EPB41L1: variants seen among roughly 807,000 people sequenced by gnomAD.
EPB41L1 encodes the protein erythrocyte membrane protein band 4.1 like 1.
EPB41L1 carries 29 observed loss-of-function variants against 97.8 expected under a neutral mutation model. That is an observed-to-expected ratio of 0.30 (90% CI 0.22 to 0.40). The LOEUF is 0.40. EPB41L1 is among the 10% of genes least tolerant of loss of function. The pLI is 1.00. For synonymous variants in EPB41L1, 383 were observed against 459.2 expected (o/e 0.83, Z 2.12); for missense variants, 812 against 1,162.3 (o/e 0.70, Z 4.38).
At chr20:36,144,353 A>G (rs192501629) in intron 2 of EPB41L1, among the ~76,000 whole-genome samples, 24 of 152,242 alleles carry the variant, frequency 1.6e-4, no homozygotes, top group African/African-American at 5.3e-4. Flanking sequence ...AGCTACCTAC[A>G]GTAGGCAGGA....
intron 2 of EPB41L1, among the ~76,000 whole-genome samples, chr20:36,137,703 T>A (rs973194342): frequency 6.6e-6 from 1 of 151,992 alleles, no homozygotes; most frequent in African/African-American, 2.4e-5. Context: ...TTTGTATTTT[T>A]AGTAAAGATG....
chr20:36,116,715 C>A (rs780449161), intron 2 of EPB41L1, among the ~76,000 whole-genome samples: 3 of 152,182 alleles, frequency 2.0e-5, no homozygotes, highest in Non-Finnish European at 4.4e-5. Flanking sequence ...ATGCCTCTCA[C>A]CCATGGAGGG....
intron 2 of EPB41L1, among the ~76,000 whole-genome samples, chr20:36,140,043 T>TTG (rs1569110731): frequency 1.3e-5 from 2 of 149,152 alleles, no homozygotes; most frequent in Non-Finnish European, 3.0e-5. Flanking sequence ...GTGGTTTTTT[T>TTG]TTGTTGTTGT....
At chr20:36,228,471 C>CAGA (rs2064312176) in intron 21 of EPB41L1, among the ~76,000 whole-genome samples, 2 of 152,154 alleles carry the variant, frequency 1.3e-5, no homozygotes, top group South Asian at 4.1e-4. Context: ...GAGGCTGAGG[C>CAGA]AGAAGGATCA....
chr20:36,193,785 A>G (rs1301101925), intron 11 of EPB41L1, among the ~76,000 whole-genome samples: 3 of 152,230 alleles, frequency 2.0e-5, no homozygotes, highest in Admixed American at 1.3e-4. Flanking sequence ...AAACAGCAAC[A>G]TTTATGGGCT....
intron 2 of EPB41L1, among the ~76,000 whole-genome samples, chr20:36,134,691 T>G (rs934119431): frequency 2.6e-5 from 4 of 152,138 alleles, no homozygotes; most frequent in Non-Finnish European, 4.4e-5. Flanking sequence ...CTGCCCAGCC[T>G]GGGCTATTAG....
At chr20:36,137,519 C>G (rs916957199) in intron 2 of EPB41L1, among the ~76,000 whole-genome samples, 5 of 151,972 alleles carry the variant, frequency 3.3e-5, no homozygotes, top group Non-Finnish European at 7.4e-5. Flanking sequence ...CCGCACCCAG[C>G]CTGAATACTT....
intron 2 of EPB41L1, 143 bp from the exon 3 acceptor site, chr20:36,175,408 G>T: frequency 1.1e-6 from 1 of 916,184 alleles, no homozygotes. Context: ...ATGGACCCTA[G>T]TTGCCCTGTG....
chr20:36,111,899 G>C lies in EPB41L1; in HGVS notation c.-64-527G>C, dbSNP rs182092723. ...CAAGGAAAGGCCAAGTGGACAGCAG[G>C]GGGTATAACCATGGCACCTGAGGAG... On this transcript the variant is annotated intron_variant, in intron 1 of 19. Coordinates refer to the EPB41L1 transcript ENST00000202028. Among the ~76,000 whole-genome samples, 249 of 152,276 alleles carry C rather than the reference G, an allele frequency of 1.6e-3. 2 individuals are homozygous for C. Among genetic ancestry groups the C allele is most frequent in the African/African-American group, 5.5e-3 (229 of 41,546 alleles).
rs756577865 is a variant in EPB41L1, at chr20:36,219,766, C to T, written c.2361C>T (p.Ile787=). Residue 787 remains isoleucine, a synonymous_variant, in exon 19 of 22, where the codon ATC becomes ATT. Coordinates refer to ENST00000338074, the MANE Select transcript of EPB41L1 (RefSeq NM_012156.2). ...GGGGTGGTTATATTCTGCAGATCAT[C>T]GGGAAAGATGTCCTCACCAGCACCT... ...ATEIRSLSPI[I]GKDVLTSTYG... 3.1e-5 allele frequency: 50 copies of T among 1,613,872 alleles called. No individual in the cohort carries two copies. Among genetic ancestry groups the T allele is most frequent in the Admixed American group, 1.2e-4 (7 of 59,996 alleles).
intron 1 of EPB41L1, among the ~76,000 whole-genome samples, chr20:36,094,287 C>T (rs1040605067): frequency 6.6e-6 from 1 of 152,172 alleles, no homozygotes; most frequent in African/African-American, 2.4e-5. Context: ...TGGCATTTTG[C>T]TGCCAAATGG....
At chr20:36,213,603 G>A (rs779284281) in intron 16 of EPB41L1, among the ~76,000 whole-genome samples, 13 of 152,040 alleles carry the variant, frequency 8.6e-5, no homozygotes, top group Non-Finnish European at 1.5e-4. Context: ...TTAGTAACAC[G>A]TGTTTCTGTT....
chr20:36,099,033 G>T (rs1317422418), intron 1 of EPB41L1, among the ~76,000 whole-genome samples: 1 of 152,202 alleles, frequency 6.6e-6, no homozygotes, highest in Non-Finnish European at 1.5e-5. Context: ...GCCAGGCGTG[G>T]TGGCGGGCAC....
At chr20:36,154,467 C>T (rs1464055003), upstream of EPB41L1, among the ~76,000 whole-genome samples, 7 of 150,574 alleles carry the variant, frequency 4.6e-5, no homozygotes, top group African/African-American at 1.5e-4. The surrounding 1 kb of genome is among the most constrained non-coding windows in gnomAD (Gnocchi z 5.5). Context: ...CCGTGTGGCA[C>T]GGACCGGGAG....
At chr20:36,118,821 T>C (rs2058665219) in intron 2 of EPB41L1, among the ~76,000 whole-genome samples, 1 of 152,208 alleles carries the variant, frequency 6.6e-6, no homozygotes, top group Non-Finnish European at 1.5e-5. Flanking sequence ...GAACATCTTA[T>C]AAAGCACATT....
chr20:36,230,210 T>C lies in EPB41L1; in HGVS notation c.*870T>C, dbSNP rs1434590610. On this transcript the variant is annotated 3_prime_UTR_variant, in exon 22 of 22. Coordinates refer to ENST00000338074, the MANE Select transcript of EPB41L1 (RefSeq NM_012156.2). ...AAGCCACAGGAAGGGAAGTAGACAT[T>C]GTATGCTTATGGTTTCTCATTATGA... 1 of 152,580 alleles carries C rather than the reference T, an allele frequency of 6.6e-6. No homozygotes were observed. Among genetic ancestry groups the C allele is most frequent in the African/African-American group, 2.4e-5 (1 of 41,428 alleles). The allele number at this position is 152,580 out of a possible 1,614,324, so 9.5% of individuals were successfully genotyped here.
At chr20:36,145,920 C>A (rs576973133) in intron 2 of EPB41L1, among the ~76,000 whole-genome samples, 1 of 152,324 alleles carries the variant, frequency 6.6e-6, no homozygotes, top group Admixed American at 6.5e-5. Flanking sequence ...GGCTCCAGGT[C>A]ATATGCAGCG....
intron 2 of EPB41L1, among the ~76,000 whole-genome samples, chr20:36,132,567 C>CG (rs71184088): frequency 0.055 from 2,256 of 41,094 alleles, 50 homozygotes; most frequent in East Asian, 0.13. Flanking sequence ...TCTTTGTGGG[C>CG]GGGGGGGGGG....
intron 1 of EPB41L1, among the ~76,000 whole-genome samples, chr20:36,097,144 A>G (rs1316586032): frequency 6.6e-6 from 1 of 152,222 alleles, no homozygotes; most frequent in African/African-American, 2.4e-5. Flanking sequence ...TGAAAGAGGA[A>G]TCCAAATATC....
Sources: allele counts gnomAD v4.1 joint callset (sites outside exome capture counted in the v4.1 genomes callset), GRCh38; gene constraint gnomAD v4.1.1; non-coding constraint Gnocchi (gnomAD v3.1); transcripts MANE v1.5; gene names NCBI Gene and HGNC (gene_info 2026-07-23, HGNC 2026-07-21).